The following FREM1 variants were observed in gnomAD, a reference collection of about 807,000 sequenced individuals.
The protein encoded by FREM1 is FRAS1 related extracellular matrix 1.
Under a neutral mutation model 210.1 loss-of-function variants are expected in FREM1, and 220 were observed. The observed-to-expected ratio is 1.05, with a 90% CI of 0.94 to 1.17. FREM1 has a LOEUF of 1.17. Among genes scored for constraint, FREM1 ranks in the 50% most tolerant of loss-of-function variants. FREM1 has a pLI of 0.00. For missense variants in FREM1, 3,454 were observed against 2,675.5 expected (o/e 1.29, Z -6.42); for synonymous variants, 1,189 against 980.2 (o/e 1.21, Z -3.98).
rs1819640800 is a variant in FREM1, at chr9:14,812,821, T to G, written c.2884A>C (p.Lys962Gln). ...RDVISEAVTY[K>Q]HTGGEIGLMP... ...CCATGCTGCTGCTTACCTGTGTGTT[T>G]GTATGTCACGGCCTCTGAGATAACA... The change falls in exon 16 of 37, where the codon AAA (lysine) becomes CAA (glutamine). Residue 962 changes from lysine to glutamine, a missense_variant. Transcript: ENST00000380880. 1.2e-6 allele frequency: 2 copies of G among 1,608,380 alleles called. No homozygotes were observed. The highest frequency in any genetic ancestry group is 2.2e-5 in the South Asian group (2 of 90,028).
chr9:14,812,688 G>T (rs374781436), intron 16 of FREM1, 124 bp downstream of exon 16: 11 of 951,176 alleles, frequency 1.2e-5, no homozygotes, highest in East Asian at 9.9e-5. Context: ...AGGCCAGGCT[G>T]CAGCTGCTTC....
At position 14,829,114 on chromosome 9, in the gene FREM1, A is replaced by T. The variant is rs185066371; in HGVS notation, c.1882-4122T>A. Among the ~76,000 whole-genome samples the T allele has an allele frequency of 4.4e-3, 663 of 152,038 alleles. 4 individuals are homozygous for T. The highest frequency in any genetic ancestry group is 0.013 in the African/African-American group (538 of 41,460). On this transcript the variant is annotated intron_variant, in intron 10 of 36. Transcript: ENST00000380880. Reference sequence around the variant, plus strand: ...CTGTATCTCCACAACATCTAGCACAATTTTTTTTGTAGGTAGGAGGCACTT... The same window carrying T: ...CTGTATCTCCACAACATCTAGCACATTTTTTTTTGTAGGTAGGAGGCACTT...
intron 1 of FREM1, among the ~76,000 whole-genome samples, chr9:14,872,106 T>C (rs1009413889): frequency 1.8e-4 from 28 of 152,164 alleles, no homozygotes; most frequent in Non-Finnish European, 2.9e-4. Flanking sequence ...TAGCGTGATG[T>C]CTCCAGCTTT....
At chr9:14,844,318 C>A (rs539318157) in intron 8 of FREM1, among the ~76,000 whole-genome samples, 1 of 151,940 alleles carries the variant, frequency 6.6e-6, no homozygotes, top group Non-Finnish European at 1.5e-5. Context: ...CTCCACCTCC[C>A]GGGTTCAAAC....
chr9:14,751,348 T>C (rs940547498), intron 29 of FREM1, among the ~76,000 whole-genome samples: 1 of 152,166 alleles, frequency 6.6e-6, no homozygotes, highest in Non-Finnish European at 1.5e-5. Context: ...AAAAGTCTTC[T>C]CTTAAAAATG....
intron 18 of FREM1, 48 bp downstream of exon 18, chr9:14,806,613 A>C (rs779683940): frequency 9.0e-7 from 1 of 1,110,514 alleles, no homozygotes; most frequent in Non-Finnish European, 1.3e-6. Context: ...AATCGCTTCC[A>C]TAAATATAAG....
chr9:14,802,265 C>T (rs897933265), intron 19 of FREM1, among the ~76,000 whole-genome samples: 2 of 152,224 alleles, frequency 1.3e-5, no homozygotes, highest in African/African-American at 4.8e-5. Flanking sequence ...ATAAACCAAT[C>T]CTCGTGGATC....
At chr9:14,758,687 TG>T (rs1554644041) in intron 28 of FREM1, among the ~76,000 whole-genome samples, 2 of 109,506 alleles carry the variant, frequency 1.8e-5, no homozygotes, top group African/African-American at 3.8e-5. Flanking sequence ...GGGGATGGGG[TG>T]GGGGGGAGTC....
intron 1 of FREM1, among the ~76,000 whole-genome samples, chr9:14,876,075 G>C (rs1426104975): frequency 6.6e-6 from 1 of 152,138 alleles, no homozygotes; most frequent in East Asian, 1.9e-4. Flanking sequence ...TGAGGTGTCA[G>C]TCTGCCCCTA....
At chr9:14,785,607 A>C (rs1226709413) in intron 23 of FREM1, among the ~76,000 whole-genome samples, 1 of 152,204 alleles carries the variant, frequency 6.6e-6, no homozygotes, top group African/African-American at 2.4e-5. Context: ...ATTCAGCCTT[A>C]AAAGGGAAGG....
intron 1 of FREM1, among the ~76,000 whole-genome samples, chr9:14,905,958 C>CG (rs1355340454): frequency 6.6e-6 from 1 of 152,000 alleles, no homozygotes; most frequent in Non-Finnish European, 1.5e-5. Context: ...TTAAAGGCCA[C>CG]GGGAGTGGTG....
chr9:14,761,639 C>A (rs1282658872), intron 27 of FREM1, among the ~76,000 whole-genome samples: 1 of 152,146 alleles, frequency 6.6e-6, no homozygotes, highest in African/African-American at 2.4e-5. Flanking sequence ...ATCCCAGAAA[C>A]AAATAATTCA....
chr9:14,838,985 C>A (rs889083066), intron 10 of FREM1, among the ~76,000 whole-genome samples: 1 of 152,098 alleles, frequency 6.6e-6, no homozygotes, highest in Non-Finnish European at 1.5e-5. Flanking sequence ...GACAAAGTTA[C>A]CACCAACCAG....
At chr9:14,831,522 T>C (rs1308155311) in intron 10 of FREM1, among the ~76,000 whole-genome samples, 1 of 152,236 alleles carries the variant, frequency 6.6e-6, no homozygotes, top group Non-Finnish European at 1.5e-5. Flanking sequence ...GCCATTTGGT[T>C]CCTACATTCC....
At position 14,740,207 on chromosome 9, in the gene FREM1, G is replaced by T. The variant is rs1279639790; in HGVS notation, c.6282C>A (p.Phe2094Leu). The T allele has an allele frequency of 1.2e-6, 2 of 1,613,108 alleles. No homozygotes were observed. The highest frequency in any genetic ancestry group is 1.7e-6 in the Non-Finnish European group (2 of 1,179,354). Reference sequence around the variant, plus strand: ...AGAGCCACCGCATGTGCTGCCTGGAGAATACAGTTACAAGGTTGCCCAGGT... The same window carrying T: ...AGAGCCACCGCATGTGCTGCCTGGATAATACAGTTACAAGGTTGCCCAGGT... ...EQYLGNLVTV[F>L]SRQHMRWLWD... is the part of the protein sequence containing the mutation. Residue 2094 changes from phenylalanine to leucine, a missense_variant, in exon 36 of 37, where the codon TTC (phenylalanine) becomes TTA (leucine). By Grantham distance (22) the Phe-to-Leu change is conservative (BLOSUM62 0). Transcript: ENST00000380880.
At position 14,759,942 on chromosome 9, in the gene FREM1, T is replaced by C. The variant is rs78519283; in HGVS notation, c.5205-41A>G. Reference sequence around the variant, plus strand: ...AAAGAGAAATCATGAGAATGCATAGTATATGCCTATAGGGATTCTCTGCTG... The same window carrying C: ...AAAGAGAAATCATGAGAATGCATAGCATATGCCTATAGGGATTCTCTGCTG... On this transcript the variant is annotated intron_variant, in intron 27 of 36. Transcript: ENST00000380880. The C allele has an allele frequency of 3.9e-3, 5,944 of 1,540,356 alleles. 196 individuals are homozygous for C. In the African/African-American group the frequency reaches 0.07, roughly 18 times the overall value.
Position 14,857,615 on chromosome 9 carries a change from T to C in FREM1, c.766A>G (p.Asn256Asp), listed in dbSNP as rs1198194247. The change falls in exon 5 of 37, where the codon AAC (asparagine) becomes GAC (aspartate). Residue 256 changes from asparagine to aspartate, a missense_variant. Coordinates refer to ENST00000380880, the MANE Select transcript of FREM1 (RefSeq NM_001379081.2). ...RYQHLDPPSP[N>D]IDYISIQLDL... ...AGTTGGATGGAGATATAATCAATGT[T>C]GGGTGAAGGGGGATCCAGATGCTGA... 1.2e-6 allele frequency: 2 copies of C among 1,613,774 alleles called. No individual in the cohort carries two copies. Among genetic ancestry groups the C allele is most frequent in the Non-Finnish European group, 1.7e-6 (2 of 1,179,866 alleles).
chr9:14,749,242 T>A (rs1418911525), intron 30 of FREM1, among the ~76,000 whole-genome samples: 1 of 152,130 alleles, frequency 6.6e-6, no homozygotes, highest in Non-Finnish European at 1.5e-5. Context: ...GGTGTGTATA[T>A]CATGTATTTT....
rs1564013629 is a variant in FREM1 at position 14,824,816 on chromosome 9, TGGA to T, written c.2055_2057del (p.Pro686del). On this transcript the variant is annotated inframe_deletion, in exon 11 of 37. Transcript: ENST00000380880. ...GATACCTGTGGCTGAAGGAGAAAAA[TGGA>T]GGAGTAGTTATTGTGTAGACCAGCT... 5.6e-6 allele frequency: 9 copies of T among 1,611,592 alleles called. No homozygotes were observed. Among genetic ancestry groups the T allele is most frequent in the Non-Finnish European group, 7.6e-6 (9 of 1,178,790 alleles).
Sources: allele counts gnomAD v4.1 joint callset (sites outside exome capture counted in the v4.1 genomes callset), GRCh38; gene constraint gnomAD v4.1.1; transcripts MANE v1.5; gene names NCBI Gene and HGNC (gene_info 2026-07-23, HGNC 2026-07-21).